PXDNL: variants seen among roughly 807,000 people sequenced by gnomAD.
PXDNL encodes the protein probable oxidoreductase PXDNL.
PXDNL carries 145 observed loss-of-function variants against 150.8 expected under a neutral mutation model. The observed-to-expected ratio is 0.96, with a 90% CI of 0.84 to 1.10. PXDNL has a LOEUF of 1.10. PXDNL is among the 50% of genes least tolerant of loss of function. PXDNL has a pLI of 0.00. For synonymous variants in PXDNL, 757 were observed against 725.7 expected (o/e 1.04, Z -0.69); for missense variants, 2,087 against 1,873.9 (o/e 1.11, Z -2.10).
At chr8:51,594,686 T>G (rs1297571966) in intron 2 of PXDNL, among the ~76,000 whole-genome samples, 1 of 152,184 alleles carries the variant, frequency 6.6e-6, no homozygotes, top group Non-Finnish European at 1.5e-5. Flanking sequence ...GAATGTATTT[T>G]CCAATCACAA....
intron 19 of PXDNL, among the ~76,000 whole-genome samples, chr8:51,363,817 A>G (rs181402485): frequency 1.1e-3 from 174 of 152,292 alleles, no homozygotes; most frequent in African/African-American, 3.9e-3. Context: ...GTTGTATAAA[A>G]GCTTTCCCAT....
At chr8:51,618,516 T>G (rs1056739192) in intron 2 of PXDNL, among the ~76,000 whole-genome samples, 3 of 152,180 alleles carry the variant, frequency 2.0e-5, no homozygotes, top group Non-Finnish European at 4.4e-5. Flanking sequence ...GTTCATGTTT[T>G]AGCTCTCCTT....
chr8:51,712,328 T>A, intron 1 of PXDNL, among the ~76,000 whole-genome samples: 1 of 152,210 alleles, frequency 6.6e-6, no homozygotes, highest in East Asian at 1.9e-4. Context: ...TGGGCTGATT[T>A]CAGCTAATTT....
chr8:51,371,492 C>T (rs1203009537), intron 19 of PXDNL, among the ~76,000 whole-genome samples: 1 of 152,196 alleles, frequency 6.6e-6, no homozygotes, highest in South Asian at 2.1e-4. Context: ...AATGGATAGC[C>T]TAAGTTAGCC....
intron 17 of PXDNL, among the ~76,000 whole-genome samples, chr8:51,403,006 C>T (rs932427079): frequency 6.7e-6 from 1 of 149,606 alleles, no homozygotes; most frequent in Admixed American, 6.7e-5. Context: ...AGGAGAATGG[C>T]GTGAACCCGG....
At chr8:51,600,049 C>T (rs911261060) in intron 2 of PXDNL, among the ~76,000 whole-genome samples, 17 of 128,134 alleles carry the variant, frequency 1.3e-4, no homozygotes, top group East Asian at 6.8e-4. Context: ...TAAATGACAT[C>T]GTTTAGATAA....
chr8:51,808,755 G>C (rs568666156), intron 1 of PXDNL, among the ~76,000 whole-genome samples: 1 of 152,150 alleles, frequency 6.6e-6, no homozygotes, highest in African/African-American at 2.4e-5. Context: ...CTAACAATTT[G>C]TCAGCACATA....
intron 1 of PXDNL, among the ~76,000 whole-genome samples, chr8:51,773,190 C>T (rs144931324): frequency 3.6e-4 from 55 of 152,304 alleles, no homozygotes; most frequent in African/African-American, 1.3e-3. Flanking sequence ...CCATGCTTAG[C>T]CTTTACATAT....
At chr8:51,559,330 A>ACCCCCCCCCCCC (rs59230172) in intron 3 of PXDNL, among the ~76,000 whole-genome samples, 2 of 98,066 alleles carry the variant, frequency 2.0e-5, no homozygotes, top group Non-Finnish European at 4.7e-5. Context: ...TTTCTTCCAA[A>ACCCCCCCCCCCC]CCCCCCCCCC....
intron 4 of PXDNL, among the ~76,000 whole-genome samples, chr8:51,513,585 G>C (rs1034521115): frequency 6.6e-6 from 1 of 152,200 alleles, no homozygotes; most frequent in Non-Finnish European, 1.5e-5. Context: ...AGAAAAATTA[G>C]CATTGGTCAC....
At chr8:51,650,422 A>T (rs1346677729) in intron 2 of PXDNL, among the ~76,000 whole-genome samples, 2 of 152,130 alleles carry the variant, frequency 1.3e-5, no homozygotes, top group African/African-American at 2.4e-5. Flanking sequence ...AGACAAGACC[A>T]CTTAACTTGG....
intron 6 of PXDNL, among the ~76,000 whole-genome samples, chr8:51,479,925 A>G (rs1810564009): frequency 6.6e-6 from 1 of 152,190 alleles, no homozygotes; most frequent in Admixed American, 6.5e-5. Context: ...GAGGGCTTGG[A>G]TACAATCAAA....
chr8:51,503,856 C>A (rs1811233284), intron 4 of PXDNL, among the ~76,000 whole-genome samples: 1 of 152,098 alleles, frequency 6.6e-6, no homozygotes, highest in South Asian at 2.1e-4. Context: ...CCCAAATTTA[C>A]CTCTAGGACC....
chr8:51,452,937 C>CACATACACACACAAACACACACAA (rs1554541855), intron 10 of PXDNL, among the ~76,000 whole-genome samples: 4 of 149,862 alleles, frequency 2.7e-5, no homozygotes, highest in African/African-American at 9.9e-5. Context: ...CACACACAAA[C>CACATACACACACAAACACACACAA]ACACACACAC....
At chr8:51,664,003 A>T (rs1026589960) in intron 1 of PXDNL, among the ~76,000 whole-genome samples, 1 of 149,530 alleles carries the variant, frequency 6.7e-6, no homozygotes, top group Non-Finnish European at 1.5e-5. Context: ...GTGAGTGGAG[A>T]CTGCACCACT....
chr8:51,762,729 C>A (rs1238579617), intron 1 of PXDNL, among the ~76,000 whole-genome samples: 2 of 152,116 alleles, frequency 1.3e-5, no homozygotes, highest in Non-Finnish European at 2.9e-5. Context: ...AGAGGTACCC[C>A]GACCACCTTG....
chr8:51,659,345 CT>C (rs1815220533), intron 1 of PXDNL, among the ~76,000 whole-genome samples: 1 of 152,196 alleles, frequency 6.6e-6, no homozygotes, highest in Non-Finnish European at 1.5e-5. Flanking sequence ...TCTGTCTCCT[CT>C]ACTCTCCCCA....
At chr8:51,341,700 A>T (rs929280937) in intron 20 of PXDNL, among the ~76,000 whole-genome samples, 2 of 152,264 alleles carry the variant, frequency 1.3e-5, no homozygotes, top group African/African-American at 4.8e-5. Context: ...TCATATAAAC[A>T]GAATCATGCA....
At chr8:51,539,094 C>G (rs1812154763) in intron 4 of PXDNL, among the ~76,000 whole-genome samples, 1 of 152,074 alleles carries the variant, frequency 6.6e-6, no homozygotes, top group African/African-American at 2.4e-5. Flanking sequence ...ATGAAATTCA[C>G]CAAGGGTCTT....
Sources: gnomAD v4.1 joint callset for allele counts (sites outside exome capture counted in the v4.1 genomes callset) on GRCh38, gnomAD v4.1.1 for gene constraint, MANE v1.5 for transcripts, NCBI Gene and HGNC (gene_info 2026-07-23, HGNC 2026-07-21) for gene names.